The following ERBB4 variants were observed in gnomAD, a reference collection of about 807,000 sequenced individuals.
ERBB4 encodes the protein receptor tyrosine-protein kinase erbB-4.
A neutral mutation model predicts 158.0 loss-of-function variants in ERBB4; 42 were observed. The ratio of observed to expected loss-of-function variants is 0.27; its 90% CI spans 0.21 to 0.34. ERBB4 has a LOEUF of 0.34. ERBB4 is among the 10% of genes least tolerant of loss of function. ERBB4 has a pLI of 1.00. For missense variants in ERBB4, 1,333 were observed against 1,624.1 expected, an observed-to-expected ratio of 0.82 and a Z score of 3.08; for synonymous variants, 583 against 558.7, an observed-to-expected ratio of 1.04 and a Z score of -0.61.
chr2:212,335,289 C>A (rs1473198739), intron 1 of ERBB4, among the ~76,000 whole-genome samples: 2 of 151,792 alleles, frequency 1.3e-5, no homozygotes, highest in Non-Finnish European at 2.9e-5. Context: ...ACATAAGATT[C>A]ATCTTAACAA....
intron 1 of ERBB4, among the ~76,000 whole-genome samples, chr2:212,211,296 A>G (rs1323032347): frequency 6.6e-6 from 1 of 152,070 alleles, no homozygotes; most frequent in East Asian, 1.9e-4. Flanking sequence ...CACTTTCTGG[A>G]GAGAACACAC....
At chr2:212,424,989 T>C (rs148944274) in intron 1 of ERBB4, among the ~76,000 whole-genome samples, 9 of 152,104 alleles carry the variant, frequency 5.9e-5, no homozygotes, top group African/African-American at 1.4e-4. Flanking sequence ...ATGTTATCCA[T>C]GTATCCGTGA....
chr2:211,386,945 G>C lies in ERBB4; in HGVS notation c.3389C>G (p.Ala1130Gly), dbSNP rs2062697627. The C allele has an allele frequency of 1.9e-6, 3 of 1,614,102 alleles. No homozygotes were observed. The highest frequency in any genetic ancestry group is 2.5e-6 in the Non-Finnish European group (3 of 1,179,946). Residue 1130 changes from alanine (A) to glycine (G), a missense_variant, in exon 27 of 28, where the codon GCT becomes GGT. Ala to Gly is a moderately conservative substitution (Grantham distance 60). This residue lies in a region of ERBB4 where 252 missense variants were observed against 241.3 expected (regional missense o/e 1.04). Coordinates refer to ENST00000342788, the MANE Select transcript of ERBB4 (RefSeq NM_005235.3). The part of the protein sequence containing the change: ...QEDSSTQRYS[A>G]DPTVFAPERS... ...TTCTGGGGCAAACACGGTGGGGTCA[G>C]CACTGTACCTCTGGGTGCTACTGTC...
At chr2:212,034,572 T>C (rs1238770876) in intron 2 of ERBB4, among the ~76,000 whole-genome samples, 1 of 152,084 alleles carries the variant, frequency 6.6e-6, no homozygotes, top group African/African-American at 2.4e-5. Flanking sequence ...GTGATCAAAA[T>C]TATAGTCATG....
chr2:212,118,257 G>A (rs771263879), intron 2 of ERBB4, among the ~76,000 whole-genome samples: 61 of 152,152 alleles, frequency 4.0e-4, no homozygotes, highest in Non-Finnish European at 7.2e-4. Context: ...ACTGAAAACA[G>A]GGAAGGAATA....
chr2:211,416,012 T>TCTCTGTCTTCCA (rs1491344106), intron 25 of ERBB4, among the ~76,000 whole-genome samples: 1 of 152,222 alleles, frequency 6.6e-6, no homozygotes, highest in African/African-American at 2.4e-5. Flanking sequence ...AGCTACAATT[T>TCTCTGTCTTCCA]CTCTGTCTTC....
At chr2:212,191,001 G>T (rs980082702) in intron 1 of ERBB4, among the ~76,000 whole-genome samples, 1 of 151,092 alleles carries the variant, frequency 6.6e-6, no homozygotes, top group African/African-American at 2.4e-5. Context: ...CCTCCTTGAG[G>T]ATCAGAATAC....
At chr2:212,006,098 A>C (rs1457487115) in intron 2 of ERBB4, among the ~76,000 whole-genome samples, 1 of 152,178 alleles carries the variant, frequency 6.6e-6, no homozygotes, top group African/African-American at 2.4e-5. Context: ...ATAGATAATC[A>C]AAAATGTTCA....
chr2:211,643,602 T>A (rs953702417), intron 16 of ERBB4, among the ~76,000 whole-genome samples: 1 of 152,122 alleles, frequency 6.6e-6, no homozygotes, highest in Non-Finnish European at 1.5e-5. Flanking sequence ...TTTGCATTTT[T>A]AAAAACATAA....
intron 20 of ERBB4, among the ~76,000 whole-genome samples, chr2:211,477,455 G>T (rs997944428): frequency 3.9e-5 from 6 of 152,184 alleles, no homozygotes; most frequent in Admixed American, 3.3e-4. Context: ...AAAGGAAAAA[G>T]AGGCAAAAAT....
intron 1 of ERBB4, among the ~76,000 whole-genome samples, chr2:212,521,399 T>A (rs1160319718): frequency 6.6e-6 from 1 of 151,886 alleles, no homozygotes; most frequent in Non-Finnish European, 1.5e-5. Context: ...CTCATGACAG[T>A]CCATGTGTAC....
Position 211,566,911 on chromosome 2 carries a change from C to T in ERBB4, c.2302-4823G>A, listed in dbSNP as rs1227540242. 2.0e-5 allele frequency among the ~76,000 whole-genome samples: 3 copies of T among 152,232 alleles called. No homozygotes were observed. In the East Asian group the frequency reaches 5.8e-4, roughly 29 times the overall value. On this transcript the variant is annotated intron_variant, in intron 19 of 27. Coordinates refer to ENST00000342788, the MANE Select transcript of ERBB4 (RefSeq NM_005235.3). Reference sequence around the variant, plus strand: ...ACAAGTGTGGCCCCACTCCCAGATACTCAGGTTTAGAAGAAGATCTTAGGA... The same window carrying T: ...ACAAGTGTGGCCCCACTCCCAGATATTCAGGTTTAGAAGAAGATCTTAGGA...
chr2:212,376,780 T>C lies in ERBB4; in HGVS notation c.82+161669A>G, dbSNP rs1480106640. Among the ~76,000 whole-genome samples, 9 of 152,168 alleles carry C rather than the reference T, an allele frequency of 5.9e-5. No homozygotes were observed. In the East Asian group the frequency reaches 1.5e-3, roughly 26 times the overall value. On this transcript the variant is annotated intron_variant, in intron 1 of 27. Coordinates refer to ENST00000342788, the MANE Select transcript of ERBB4 (RefSeq NM_005235.3). ...TCTGGTATCATCATTTACAAAAGTGTCTTGACCTTGACGGAGATTATCAAG... is the reference window on the plus strand; with the variant it reads ...TCTGGTATCATCATTTACAAAAGTGCCTTGACCTTGACGGAGATTATCAAG...
At chr2:211,972,032 A>C (rs35639708) in intron 2 of ERBB4, among the ~76,000 whole-genome samples, 36,457 of 152,144 alleles carry the variant, frequency 0.24, 4,676 homozygotes, top group East Asian at 0.39. Flanking sequence ...CTCAGCCCAA[A>C]GGCTTCTTAA....
intron 1 of ERBB4, among the ~76,000 whole-genome samples, chr2:212,186,597 T>A (rs2082022904): frequency 1.3e-5 from 2 of 152,136 alleles, no homozygotes; most frequent in Non-Finnish European, 1.5e-5. Context: ...CAAAAGACTG[T>A]CAAACTATGT....
intron 1 of ERBB4, among the ~76,000 whole-genome samples, chr2:212,214,033 C>T (rs895310572): frequency 1.3e-5 from 2 of 151,838 alleles, no homozygotes; most frequent in African/African-American, 4.8e-5. Flanking sequence ...TATTCAGAAT[C>T]CAAGAACACC....
intron 1 of ERBB4, among the ~76,000 whole-genome samples, chr2:212,267,207 C>A (rs956413730): frequency 6.6e-6 from 1 of 151,896 alleles, no homozygotes; most frequent in African/African-American, 2.4e-5. Flanking sequence ...TGTGAACATG[C>A]ATTTCAATAA....
chr2:212,280,238 A>G (rs546120833), intron 1 of ERBB4, among the ~76,000 whole-genome samples: 1 of 151,626 alleles, frequency 6.6e-6, no homozygotes, highest in Non-Finnish European at 1.5e-5. Flanking sequence ...TATATAGGCA[A>G]TTTTTGCTAG....
chr2:212,299,075 C>T (rs747938385), intron 1 of ERBB4, among the ~76,000 whole-genome samples: 30 of 151,446 alleles, frequency 2.0e-4, no homozygotes, highest in Non-Finnish European at 4.0e-4. Flanking sequence ...CTCATTTAAC[C>T]CTCATTATAA....
Sources: gnomAD v4.1 joint callset for allele counts (sites outside exome capture counted in the v4.1 genomes callset) on GRCh38, gnomAD v4.1.1 for gene constraint, gnomAD v4.1.1 regional missense constraint, MANE v1.5 for transcripts, NCBI Gene and HGNC (gene_info 2026-07-23, HGNC 2026-07-21) for gene names.